Variants in CNGB3 observed in about 807,000 individuals in gnomAD.
The protein encoded by CNGB3 is cyclic nucleotide gated channel subunit beta 3, also known as cyclic nucleotide-gated channel beta-3.
Under a neutral mutation model 92.8 loss-of-function variants are expected in CNGB3, and 86 were observed. That is an observed-to-expected ratio of 0.93 (90% CI 0.78 to 1.11). CNGB3 has a LOEUF of 1.11. CNGB3 is among the 50% of genes least tolerant of loss of function. The pLI is 0.00. For missense variants in CNGB3, 1,026 were observed against 956.8 expected (o/e 1.07, Z -0.95); for synonymous variants, 333 against 332.7 (o/e 1.00, Z -0.01).
intron 3 of CNGB3, among the ~76,000 whole-genome samples, chr8:86,671,517 C>A (rs1823862287): frequency 6.6e-6 from 1 of 152,138 alleles, no homozygotes; most frequent in East Asian, 1.9e-4. Flanking sequence ...TGTTATGTGG[C>A]ACAGTTGATA....
intron 1 of CNGB3, among the ~76,000 whole-genome samples, chr8:86,741,665 CA>C (rs1465517967): frequency 6.9e-6 from 1 of 144,310 alleles, no homozygotes; most frequent in African/African-American, 2.6e-5. Context: ...GACTCTGTCT[CA>C]AAAAAAACAA....
chr8:86,632,863 T>TAATAC lies in CNGB3; in HGVS notation c.1208_1209insGTATT (p.Thr404TyrfsTer2). ...GAAGGCCACCAATGGTAATTAAAGTTCGAACTGCCCAATAATAACATCTCA... is the reference window on the plus strand; with the variant it reads ...GAAGGCCACCAATGGTAATTAAAGTTAATACCGAACTGCCCAATAATAACATCTCA... On this transcript the variant is annotated frameshift_variant, in exon 11 of 18. Transcript: ENST00000320005. LOFTEE classifies it high-confidence loss of function. The TAATAC allele has an allele frequency of 6.2e-7, 1 of 1,612,690 alleles. No individual in the cohort carries two copies. Among genetic ancestry groups the TAATAC allele is most frequent in the Non-Finnish European group, 8.5e-7 (1 of 1,179,828 alleles).
At chr8:86,580,627 A>T (rs1821745779) in intron 15 of CNGB3, among the ~76,000 whole-genome samples, 1 of 152,238 alleles carries the variant, frequency 6.6e-6, no homozygotes. Context: ...GATATAAAAG[A>T]GCATTTTGCA....
intron 2 of CNGB3, among the ~76,000 whole-genome samples, chr8:86,731,498 G>A (rs929919993): frequency 6.6e-6 from 1 of 152,162 alleles, no homozygotes; most frequent in African/African-American, 2.4e-5. Context: ...AGTTAGTTTT[G>A]TTACTGTGTC....
intron 13 of CNGB3, among the ~76,000 whole-genome samples, chr8:86,620,147 G>C (rs935767036): frequency 6.6e-6 from 1 of 152,170 alleles, no homozygotes; most frequent in Admixed American, 6.5e-5. Flanking sequence ...TGCTCAAACT[G>C]TCCCAATGCT....
intron 3 of CNGB3, among the ~76,000 whole-genome samples, chr8:86,718,012 G>A (rs773227195): frequency 1.3e-5 from 2 of 152,070 alleles, no homozygotes; most frequent in Non-Finnish European, 2.9e-5. Flanking sequence ...TATATCAAAA[G>A]TGGTGCGAAG....
intron 13 of CNGB3, among the ~76,000 whole-genome samples, chr8:86,613,466 G>T (rs973859602): frequency 2.8e-4 from 43 of 151,998 alleles, no homozygotes; most frequent in Admixed American, 2.6e-4. Context: ...ATTGATTTTT[G>T]GATCTTCTCC....
chr8:86,694,080 ACCCCCCCACCTCCCTCCCAGACGGGGC>A (rs1824380834), intron 3 of CNGB3, among the ~76,000 whole-genome samples: 1 of 105,550 alleles, frequency 9.5e-6, no homozygotes, highest in African/African-American at 3.6e-5. Flanking sequence ...GGGGGGGCTG[ACCCCCCCACCTCCCTCCCAGACGGGGC>A]GGCTGGCCGG....
At chr8:86,595,781 G>T (rs571001016) in intron 15 of CNGB3, among the ~76,000 whole-genome samples, 9 of 152,146 alleles carry the variant, frequency 5.9e-5, no homozygotes, top group Admixed American at 4.6e-4. Context: ...GTCTCCTCTG[G>T]TACTCCAATT....
intron 6 of CNGB3, chr8:86,658,087 G>T (rs3779799): frequency 5.8e-6 from 3 of 520,570 alleles, no homozygotes; most frequent in Admixed American, 2.4e-5. Context: ...CTGCAGGGCC[G>T]GGTGGGCCTC....
chr8:86,669,858 T>C (rs1386614290), intron 4 of CNGB3, among the ~76,000 whole-genome samples: 1 of 151,624 alleles, frequency 6.6e-6, no homozygotes, highest in East Asian at 1.9e-4. Flanking sequence ...TATTATCATA[T>C]TGATTTTTTT....
chr8:86,586,572 T>C (rs927012926), intron 15 of CNGB3, among the ~76,000 whole-genome samples: 2 of 148,494 alleles, frequency 1.3e-5, no homozygotes, highest in Non-Finnish European at 3.0e-5. Flanking sequence ...CACCTATGAG[T>C]GAGAATATGC....
chr8:86,609,063 T>G (rs1363910447), intron 14 of CNGB3, among the ~76,000 whole-genome samples: 2 of 152,182 alleles, frequency 1.3e-5, no homozygotes, highest in Non-Finnish European at 2.9e-5. Context: ...TAATTCCTTT[T>G]CCTGCCTTAT....
At chr8:86,640,243 G>A (rs1299640404) in intron 10 of CNGB3, among the ~76,000 whole-genome samples, 1 of 152,014 alleles carries the variant, frequency 6.6e-6, no homozygotes, top group African/African-American at 2.4e-5. Flanking sequence ...TTTATTGGGT[G>A]CATACACATT....
intron 3 of CNGB3, among the ~76,000 whole-genome samples, chr8:86,686,634 C>A (rs1824193544): frequency 8.3e-6 from 1 of 120,256 alleles, no homozygotes; most frequent in African/African-American, 3.6e-5. Context: ...TAGCAGTAAC[C>A]TAAATACAGG....
chr8:86,743,378 AT>A, intron 1 of CNGB3, 120 bp downstream of exon 1: 1 of 1,047,432 alleles, frequency 9.5e-7, no homozygotes, highest in Non-Finnish European at 1.5e-6. Flanking sequence ...GACACAGTAC[AT>A]GTACCAGATG....
intron 6 of CNGB3, chr8:86,659,489 T>C: frequency 1.6e-6 from 1 of 609,446 alleles, no homozygotes; most frequent in Non-Finnish European, 3.0e-6. Context: ...AATTCTGAGT[T>C]CTGTGGCTTC....
At chr8:86,635,835 T>TAA (rs1563735330) in intron 10 of CNGB3, among the ~76,000 whole-genome samples, 2 of 59,398 alleles carry the variant, frequency 3.4e-5, no homozygotes, top group African/African-American at 1.6e-4. Context: ...TATATATATA[T>TAA]ATATATATAT....
chr8:86,695,441 C>G (rs943951895), intron 3 of CNGB3, among the ~76,000 whole-genome samples: 3 of 152,120 alleles, frequency 2.0e-5, no homozygotes, highest in Non-Finnish European at 2.9e-5. Flanking sequence ...TCTACTTGTT[C>G]AATTCTATTG....
Sources: allele counts gnomAD v4.1 joint callset (sites outside exome capture counted in the v4.1 genomes callset), GRCh38; gene constraint gnomAD v4.1.1; transcripts MANE v1.5; gene names NCBI Gene and HGNC (gene_info 2026-07-23, HGNC 2026-07-21).